LY96: variants seen among roughly 807,000 people sequenced by gnomAD.
LY96 encodes the protein myeloid differentiation protein-2.
Under a neutral mutation model 18.9 loss-of-function variants are expected in LY96, and 18 were observed. The observed-to-expected ratio is 0.95, with a 90% CI of 0.66 to 1.41. The LOEUF (loss-of-function observed/expected upper bound fraction) is 1.41, where lower values mean the gene tolerates loss of function less well. Among genes scored for constraint, LY96 ranks in the 40% most tolerant of loss-of-function variants. The pLI is 0.00. For missense variants in LY96, 175 were observed against 182.4 expected (o/e 0.96, Z 0.23); for synonymous variants, 66 against 62.6 (o/e 1.06, Z -0.26).
chr8:74,006,183 A>T lies in LY96; in HGVS notation c.202+1298A>T, dbSNP rs543037477. On this transcript the variant is annotated intron_variant, in intron 2 of 4. Coordinates refer to ENST00000284818, the MANE Select transcript of LY96 (RefSeq NM_015364.5). ...TAGGCACTGTGAATTCATTGATAAG[A>T]TATTCTCTCTCTCTCTCTTTTTTTC... Among the ~76,000 whole-genome samples the T allele has an allele frequency of 1.4e-4, 21 of 152,166 alleles. No individual in the cohort carries two copies. The East Asian group carries it at 4.1e-3, about 29-fold the overall frequency.
chr8:74,022,301 C>A (rs77754189), intron 3 of LY96, among the ~76,000 whole-genome samples: 64 of 151,586 alleles, frequency 4.2e-4, no homozygotes, highest in Non-Finnish European at 7.8e-4. Context: ...CCGCTACCAC[C>A]CGGGAGCCTG....
chr8:74,022,781 A>G (rs909137662), intron 3 of LY96, among the ~76,000 whole-genome samples: 2 of 151,928 alleles, frequency 1.3e-5, no homozygotes, highest in African/African-American at 4.8e-5. Context: ...GAGTTTCACC[A>G]TGTTGGCCAG....
At chr8:74,078,110 T>TAA in the LY96 span, among the ~76,000 whole-genome samples, 81 of 122,208 alleles carry the variant, frequency 6.6e-4, no homozygotes, top group African/African-American at 1.7e-3. Flanking sequence ...CCTGTCTCAA[T>TAA]AAAAAAAAAA....
At chr8:74,061,298 A>T in the LY96 span, among the ~76,000 whole-genome samples, 1 of 152,144 alleles carries the variant, frequency 6.6e-6, no homozygotes, top group Admixed American at 6.5e-5. Context: ...ATAAGAAGAG[A>T]CTTGTAGAGC....
chr8:74,052,298 A>C, the LY96 span: 1 of 152,352 alleles, frequency 6.6e-6, no homozygotes, highest in Middle Eastern at 3.4e-3. Context: ...CCTCCGTCAC[A>C]GTTTCAGTTA....
chr8:74,002,010 C>T (rs79526090), intron 1 of LY96, among the ~76,000 whole-genome samples: 7,789 of 18,358 alleles, frequency 0.42, 1,555 homozygotes, highest in African/African-American at 0.57. Context: ...TTCCTTTCTT[C>T]CTTCCTTCCT....
the LY96 span, among the ~76,000 whole-genome samples, chr8:74,089,529 C>T: frequency 6.6e-6 from 1 of 152,136 alleles, no homozygotes; most frequent in South Asian, 2.1e-4. Context: ...CCTCGGGAAC[C>T]AGGGTCTAGA....
At chr8:74,032,193 G>C (rs540397974), downstream of LY96, among the ~76,000 whole-genome samples, 326 of 152,226 alleles carry the variant, frequency 2.1e-3, 1 homozygote, top group Middle Eastern at 6.8e-3. Flanking sequence ...AAAGCCACAG[G>C]GGATTGTGTA....
At chr8:74,077,621 T>C in the LY96 span, among the ~76,000 whole-genome samples, 2 of 152,204 alleles carry the variant, frequency 1.3e-5, no homozygotes, top group African/African-American at 4.8e-5. Flanking sequence ...TTTAGTATTC[T>C]ATTTATGTGT....
the LY96 span, among the ~76,000 whole-genome samples, chr8:74,088,454 T>C: frequency 2.0e-5 from 3 of 152,166 alleles, no homozygotes; most frequent in Non-Finnish European, 4.4e-5. Flanking sequence ...ACCTTTCCGC[T>C]CTGCTCCCTC....
At chr8:74,044,560 C>T in the LY96 span, among the ~76,000 whole-genome samples, 1 of 151,616 alleles carries the variant, frequency 6.6e-6, no homozygotes, top group Non-Finnish European at 1.5e-5. Flanking sequence ...TAGACAAAAT[C>T]AAGATGTTGG....
the LY96 span, among the ~76,000 whole-genome samples, chr8:74,060,223 C>G: frequency 6.6e-6 from 1 of 152,230 alleles, no homozygotes; most frequent in East Asian, 1.9e-4. Flanking sequence ...AAAAAAATAC[C>G]ATTAACAAAG....
the LY96 span, among the ~76,000 whole-genome samples, chr8:74,095,927 A>G: frequency 3.9e-5 from 6 of 151,946 alleles, no homozygotes; most frequent in East Asian, 1.2e-3. Flanking sequence ...TTCCACCTTC[A>G]CGTGTCTGAA....
At chr8:74,058,587 T>C in the LY96 span, among the ~76,000 whole-genome samples, 1 of 151,240 alleles carries the variant, frequency 6.6e-6, no homozygotes, top group Non-Finnish European at 1.5e-5. Flanking sequence ...TGGCGCAATC[T>C]CGGCTCACTG....
chr8:74,000,464 A>C (rs186259625), intron 1 of LY96, among the ~76,000 whole-genome samples: 13 of 152,036 alleles, frequency 8.6e-5, no homozygotes, highest in Admixed American at 8.5e-4. Flanking sequence ...CAACATTCTG[A>C]TTATGACCAC....
At chr8:74,072,930 T>C in the LY96 span, among the ~76,000 whole-genome samples, 3 of 152,136 alleles carry the variant, frequency 2.0e-5, no homozygotes, top group African/African-American at 7.2e-5. Flanking sequence ...TATACACATA[T>C]AAGGATTTGG....
intron 2 of LY96, among the ~76,000 whole-genome samples, chr8:74,007,120 C>A (rs1318721283): frequency 2.0e-5 from 3 of 152,238 alleles, no homozygotes; most frequent in African/African-American, 4.8e-5. Flanking sequence ...AGCCCCAGAG[C>A]AGAATGCCTG....
chr8:74,055,826 A>G, the LY96 span: 3 of 152,384 alleles, frequency 2.0e-5, no homozygotes, highest in African/African-American at 7.2e-5. Context: ...CCTAAGATGT[A>G]GGAGGCCATG....
intron 3 of LY96, among the ~76,000 whole-genome samples, chr8:74,018,633 C>T (rs1412980989): frequency 1.3e-5 from 2 of 152,178 alleles, no homozygotes; most frequent in African/African-American, 2.4e-5. Context: ...CTTCTCAGCA[C>T]CACATTGCAC....
Sources: gnomAD v4.1 joint callset for allele counts (sites outside exome capture counted in the v4.1 genomes callset) on GRCh38, gnomAD v4.1.1 for gene constraint, MANE v1.5 for transcripts, NCBI Gene and HGNC (gene_info 2026-07-23, HGNC 2026-07-21) for gene names.